ACLY: variants seen among roughly 807,000 people sequenced by gnomAD.
The protein encoded by ACLY is ATP-citrate synthase.
Under a neutral mutation model 133.0 loss-of-function variants are expected in ACLY, and 41 were observed. The observed-to-expected ratio is 0.31, with a 90% confidence interval of 0.24 to 0.40. The LOEUF is 0.40. Among genes scored for constraint, ACLY ranks in the 10% least tolerant of loss-of-function variants. The pLI is 1.00. For synonymous variants in ACLY, 495 were observed against 549.3 expected (o/e 0.90, Z 1.38); for missense variants, 1,046 against 1,453.8 (o/e 0.72, Z 4.56).
chr17:41,913,692 C>A (rs1267088490), intron 2 of ACLY, 23 bp downstream of exon 2: 1 of 1,611,578 alleles, frequency 6.2e-7, no homozygotes, highest in Non-Finnish European at 8.5e-7. Context: ...GGAAGAAAGG[C>A]CCAAAGTGGA....
intron 20 of ACLY, among the ~76,000 whole-genome samples, chr17:41,879,314 C>T (rs531929975): frequency 1.3e-5 from 2 of 151,836 alleles, no homozygotes; most frequent in East Asian, 3.9e-4. Flanking sequence ...CTATGTTGGC[C>T]AGGCTGGTCT....
At chr17:41,919,704 A>T (rs1378369016), upstream of ACLY, among the ~76,000 whole-genome samples, 1 of 151,964 alleles carries the variant, frequency 6.6e-6, no homozygotes, top group Non-Finnish European at 1.5e-5. Context: ...GAAGGGCTGG[A>T]GCCATCCCAG....
intron 20 of ACLY, among the ~76,000 whole-genome samples, chr17:41,881,277 A>G (rs1555627274): frequency 1.3e-5 from 2 of 151,932 alleles, no homozygotes; most frequent in African/African-American, 4.8e-5. Context: ...TAAAAATACA[A>G]AAATTAGCCG....
intron 22 of ACLY, among the ~76,000 whole-genome samples, chr17:41,876,544 G>A (rs2048764645): frequency 6.6e-6 from 1 of 152,248 alleles, no homozygotes; most frequent in Admixed American, 6.5e-5. Context: ...AGACATGGGA[G>A]ACTTTTCATT....
chr17:41,901,885 A>G, intron 10 of ACLY, 72 bp from the exon 11 acceptor site: 2 of 1,210,972 alleles, frequency 1.7e-6, no homozygotes, highest in African/African-American at 3.0e-5. Context: ...CGTGATAAAC[A>G]AACATACCAG....
intron 11 of ACLY, among the ~76,000 whole-genome samples, 162 bp downstream of exon 11, chr17:41,901,534 T>C (rs918681843): frequency 1.3e-5 from 2 of 151,946 alleles, no homozygotes; most frequent in Admixed American, 6.6e-5. Context: ...AAGTTTAGGA[T>C]AGCACTCTGT....
intron 1 of ACLY, among the ~76,000 whole-genome samples, chr17:41,926,096 T>C (rs1480909017): frequency 6.6e-6 from 1 of 152,048 alleles, no homozygotes; most frequent in African/African-American, 2.4e-5. Context: ...CTGCCTGCCT[T>C]GGCCTCCGAA....
At chr17:41,900,824 G>A (rs1289132819) in intron 11 of ACLY, among the ~76,000 whole-genome samples, 1 of 152,070 alleles carries the variant, frequency 6.6e-6, no homozygotes, top group Non-Finnish European at 1.5e-5. Flanking sequence ...GACCTGTAGT[G>A]TCTCGCTGCC....
At chr17:41,882,313 G>GCC (rs1567891093) in intron 20 of ACLY, among the ~76,000 whole-genome samples, 1 of 119,186 alleles carries the variant, frequency 8.4e-6, no homozygotes, top group Non-Finnish European at 1.6e-5. Flanking sequence ...GTTGCAGTGA[G>GCC]CCGAGATCAC....
intron 1 of ACLY, among the ~76,000 whole-genome samples, chr17:41,914,880 A>G (rs1567915562): frequency 6.6e-6 from 1 of 152,190 alleles, no homozygotes. Flanking sequence ...CCTTGTGTCT[A>G]AAAAAAGATA....
chr17:41,910,258 C>A lies in ACLY; in HGVS notation c.309G>T (p.Lys103Asn), dbSNP rs781997781. 18 of 1,613,922 alleles carry A rather than the reference C, an allele frequency of 1.1e-5. No individual in the cohort carries two copies. In the South Asian group the frequency reaches 1.6e-4, roughly 15 times the overall value. Residue 103 changes from lysine to asparagine, a missense_variant, in exon 4 of 29, where the codon AAG (lysine) becomes AAT (asparagine). Coordinates refer to ENST00000352035, the MANE Select transcript of ACLY (RefSeq NM_001096.3). ...ATVGKATGFL[K>N]NFLIEPFVPH... The stretch of plus-strand genomic sequence containing the variant: ...GGACGAAGGGCTCGATCAGAAAGTT[C>A]TTGAGGAAGCCTGTGGCCTTGCCAA...
In ACLY at chr17:41,906,641, G is replaced by A. The variant is rs782662522; in HGVS notation, c.753C>T (p.Ala251=). 3 of 1,614,134 alleles carry A rather than the reference G, an allele frequency of 1.9e-6. No individual in the cohort carries two copies. Among genetic ancestry groups the A allele is most frequent in the African/African-American group, 1.3e-5 (1 of 75,052 alleles). The change falls in exon 8 of 29, where the codon GCC becomes GCT. Residue 251 remains alanine (A), a synonymous_variant. Transcript: ENST00000352035. ...TTTTGGCATCGAGGTCTGCAATGTAGGCTTCCTGGGGACCAGACAGCAACA... is the reference window on the plus strand; with the variant it reads ...TTTTGGCATCGAGGTCTGCAATGTAAGCTTCCTGGGGACCAGACAGCAACA... The part of the protein sequence containing the change: ...PFGREAYPEE[A]YIADLDAKSG...
intron 16 of ACLY, 142 bp downstream of exon 16, chr17:41,892,137 G>A: frequency 1.3e-6 from 1 of 790,356 alleles, no homozygotes; most frequent in Non-Finnish European, 1.9e-6. Context: ...CAAATCCCCA[G>A]CCCTTTGTCC....
rs143025311 is a variant in ACLY, at chr17:41,913,707, G to C, written c.159+8C>G. The stretch of plus-strand genomic sequence containing the variant: ...GGAAGAAAGGCCCAAAGTGGAGGCA[G>C]GGCTCACCTGGCTGAGCAGCCAGGG... On this transcript the variant is annotated splice_region_variant and intron_variant, in intron 2 of 28. Transcript: ENST00000352035. 1.2e-6 allele frequency: 2 copies of C among 1,613,436 alleles called. No homozygotes were observed. The highest frequency in any genetic ancestry group is 2.7e-5 in the African/African-American group (2 of 75,058).
At chr17:41,898,928 G>GTCA (rs1555630982) in intron 11 of ACLY, 143 bp from the exon 12 acceptor site, 1 of 827,374 alleles carries the variant, frequency 1.2e-6, no homozygotes, top group East Asian at 2.7e-5. Context: ...CAAATCAGCT[G>GTCA]TCATAATTTC....
intron 1 of ACLY, among the ~76,000 whole-genome samples, chr17:41,925,849 A>AT (rs2050237097): frequency 4.0e-5 from 6 of 151,054 alleles, no homozygotes; most frequent in African/African-American, 1.5e-4. Context: ...ACATAGGTGT[A>AT]CTTTTTTTTT....
upstream of ACLY, among the ~76,000 whole-genome samples, chr17:41,921,074 C>T (rs113058130): frequency 0.022 from 3,215 of 143,256 alleles, 63 homozygotes; most frequent in Non-Finnish European, 0.035. Flanking sequence ...TGCAGTGAGC[C>T]GAGATCGCAC....
rs201719962 is a variant in ACLY at position 41,897,863 on chromosome 17, G to T, written c.1339-24C>A. On this transcript the variant is annotated intron_variant, in intron 12 of 28. Transcript: ENST00000352035. ...GTCTGGGGTGAGATAAGGAGAGAGT[G>T]TAAGAGGTAAGAGTCACACCTGGGA... 98 of 1,596,382 alleles carry T rather than the reference G, an allele frequency of 6.1e-5. No homozygotes were observed. The East Asian group carries it at 6.7e-4, about 11-fold the overall frequency.
At chr17:41,875,748 A>G (rs1188052368) in intron 22 of ACLY, among the ~76,000 whole-genome samples, 2 of 152,132 alleles carry the variant, frequency 1.3e-5, no homozygotes, top group African/African-American at 2.4e-5. Flanking sequence ...TCAGTGCTCA[A>G]TGGTGCCCAG....
Sources: gnomAD v4.1 joint callset for allele counts (sites outside exome capture counted in the v4.1 genomes callset) on GRCh38, gnomAD v4.1.1 for gene constraint, MANE v1.5 for transcripts, NCBI Gene and HGNC (gene_info 2026-07-23, HGNC 2026-07-21) for gene names.